The following ANTXR1 variants were observed in gnomAD, a reference collection of about 807,000 sequenced individuals.
ANTXR1 encodes the protein ANTXR cell adhesion molecule 1.
A neutral mutation model predicts 78.1 loss-of-function variants in ANTXR1; 19 were observed. The observed-to-expected ratio is 0.24, with a 90% CI of 0.17 to 0.36. The LOEUF (loss-of-function observed/expected upper bound fraction) is 0.36. Ranked by LOEUF, ANTXR1 falls within the 10% of genes least tolerant of loss-of-function variation. ANTXR1 has a pLI of 1.00. For synonymous variants in ANTXR1, 273 were observed against 260.5 expected (o/e 1.05, Z -0.46); for missense variants, 518 against 718.6 (o/e 0.72, Z 3.19).
intron 17 of ANTXR1, among the ~76,000 whole-genome samples, chr2:69,201,968 C>T (rs1490618170): frequency 2.6e-5 from 4 of 152,158 alleles, no homozygotes; most frequent in Non-Finnish European, 5.9e-5. Context: ...CCTGCGAGTA[C>T]ATGCCTCCTT....
chr2:69,098,107 G>C (rs1416448853), intron 9 of ANTXR1, among the ~76,000 whole-genome samples: 1 of 152,180 alleles, frequency 6.6e-6, no homozygotes, highest in Non-Finnish European at 1.5e-5. Flanking sequence ...GCTGGGAGGA[G>C]AGATTACAAA....
At chr2:69,186,831 C>T (rs1345524724) in intron 16 of ANTXR1, among the ~76,000 whole-genome samples, 1 of 152,196 alleles carries the variant, frequency 6.6e-6, no homozygotes, top group Non-Finnish European at 1.5e-5. Flanking sequence ...CAGACCAAGA[C>T]CAAAGGGCAG....
At chr2:69,064,850 C>T (rs1670348077) in intron 3 of ANTXR1, among the ~76,000 whole-genome samples, 1 of 152,264 alleles carries the variant, frequency 6.6e-6, no homozygotes, top group East Asian at 1.9e-4. Context: ...GAAAACCCAG[C>T]ATATCAACAT....
chr2:69,124,655 C>A lies in ANTXR1; in HGVS notation c.951+12C>A. On this transcript the variant is annotated intron_variant, in intron 12 of 17. Coordinates refer to ENST00000303714, the MANE Select transcript of ANTXR1 (RefSeq NM_032208.3). Reference sequence around the variant, plus strand: ...CCACCACACACTGTGTAAGTCATAACCTTTCCCTTTACTAAAGATCTCATT... The same window carrying A: ...CCACCACACACTGTGTAAGTCATAAACTTTCCCTTTACTAAAGATCTCATT... The A allele has an allele frequency of 6.2e-7, 1 of 1,613,062 alleles. No individual in the cohort carries two copies. Among genetic ancestry groups the A allele is most frequent in the Middle Eastern group, 1.6e-4 (1 of 6,062 alleles).
intron 13 of ANTXR1, among the ~76,000 whole-genome samples, chr2:69,161,577 A>T (rs1207483606): frequency 6.6e-6 from 1 of 152,232 alleles, no homozygotes; most frequent in Non-Finnish European, 1.5e-5. Flanking sequence ...TGCTGTCTAT[A>T]CAGTGGAAAG....
intron 12 of ANTXR1, among the ~76,000 whole-genome samples, chr2:69,151,618 G>C (rs2104429124): frequency 6.6e-6 from 1 of 152,244 alleles, no homozygotes; most frequent in East Asian, 1.9e-4. Flanking sequence ...TCGCCTCCCA[G>C]GTTCAGCAGC....
intron 9 of ANTXR1, among the ~76,000 whole-genome samples, chr2:69,096,307 AGGAAGGG>A (rs1671411348): frequency 2.6e-4 from 1 of 3,862 alleles, no homozygotes; most frequent in East Asian, 0.016. Flanking sequence ...GGAGGAAGGG[AGGAAGGG>A]AGGAAGGGAG....
chr2:69,165,599 CA>C (rs1477000638), intron 13 of ANTXR1, among the ~76,000 whole-genome samples: 1 of 152,218 alleles, frequency 6.6e-6, no homozygotes, highest in Non-Finnish European at 1.5e-5. Flanking sequence ...AACAGGGGAC[CA>C]CAAGGAATCA....
At chr2:69,089,672 CAAAT>C (rs1671164813) in intron 8 of ANTXR1, among the ~76,000 whole-genome samples, 1 of 152,154 alleles carries the variant, frequency 6.6e-6, no homozygotes, top group Non-Finnish European at 1.5e-5. Context: ...TACAACGATG[CAAAT>C]AAATGGGCGT....
chr2:69,180,855 AG>A (rs1674256293), intron 14 of ANTXR1, among the ~76,000 whole-genome samples: 2 of 152,224 alleles, frequency 1.3e-5, no homozygotes, highest in Non-Finnish European at 2.9e-5. Flanking sequence ...AGAAATTTCC[AG>A]GGGAGGTTTC....
chr2:69,075,460 C>T, intron 6 of ANTXR1, 130 bp from the exon 7 acceptor site: 6 of 873,296 alleles, frequency 6.9e-6, no homozygotes, highest in Admixed American at 6.9e-5. Context: ...GGATTGCCTT[C>T]TCCAGTATGG....
At chr2:69,150,682 C>A (rs939629867) in intron 12 of ANTXR1, among the ~76,000 whole-genome samples, 1 of 139,450 alleles carries the variant, frequency 7.2e-6, no homozygotes, top group African/African-American at 2.6e-5. Context: ...ATCCATTATA[C>A]CAGGAGTGTT....
chr2:69,118,556 C>T (rs1209913465), intron 10 of ANTXR1, among the ~76,000 whole-genome samples: 1 of 152,224 alleles, frequency 6.6e-6, no homozygotes, highest in African/African-American at 2.4e-5. Context: ...AGTCCGAGCT[C>T]CTGGCCTTCA....
intron 1 of ANTXR1, among the ~76,000 whole-genome samples, chr2:69,034,543 G>A (rs1397721020): frequency 6.6e-6 from 1 of 152,176 alleles, no homozygotes; most frequent in African/African-American, 2.4e-5. Flanking sequence ...GGCTAGAACT[G>A]CATTTGAGTT....
At chr2:69,088,847 A>G (rs959886487) in intron 8 of ANTXR1, among the ~76,000 whole-genome samples, 4 of 152,312 alleles carry the variant, frequency 2.6e-5, no homozygotes, top group African/African-American at 7.2e-5. Context: ...TAGACTGACA[A>G]TGAGTGGAAA....
At chr2:69,163,094 T>C (rs1673727137) in intron 13 of ANTXR1, among the ~76,000 whole-genome samples, 1 of 152,030 alleles carries the variant, frequency 6.6e-6, no homozygotes, top group Non-Finnish European at 1.5e-5. Context: ...TTTACCTTGA[T>C]TTTTTTTAAA....
rs140839035 is a variant in ANTXR1, at chr2:69,125,343, G to A, written c.951+700G>A. Among the ~76,000 whole-genome samples, 189 of 152,250 alleles carry A rather than the reference G, an allele frequency of 1.2e-3. 1 individual carries two copies. The highest frequency in any genetic ancestry group is 4.4e-3 in the African/African-American group (184 of 41,554). On this transcript the variant is annotated intron_variant, in intron 12 of 17. Coordinates refer to ENST00000303714, the MANE Select transcript of ANTXR1 (RefSeq NM_032208.3). ...ACCTGGAGAGCTTTTTAAAAAGATT[G>A]GTGCCCTGACCGCATTCGAGACTGA...
At chr2:69,099,131 A>C (rs1311761711) in intron 9 of ANTXR1, among the ~76,000 whole-genome samples, 3 of 152,180 alleles carry the variant, frequency 2.0e-5, no homozygotes. Context: ...CCCTCCCTCC[A>C]GTCCTGGCAG....
chr2:69,155,065 G>A (rs867147350), intron 13 of ANTXR1, among the ~76,000 whole-genome samples: 39 of 152,204 alleles, frequency 2.6e-4, no homozygotes, highest in African/African-American at 9.2e-4. Flanking sequence ...AACCTGATGG[G>A]TGAGGGTGAC....
Sources: allele counts gnomAD v4.1 joint callset (sites outside exome capture counted in the v4.1 genomes callset), GRCh38; gene constraint gnomAD v4.1.1; transcripts MANE v1.5; gene names NCBI Gene and HGNC (gene_info 2026-07-23, HGNC 2026-07-21).